MRTFB: variants seen among roughly 807,000 people sequenced by gnomAD.
MRTFB encodes myocardin-related transcription factor B.
In MRTFB, 29 loss-of-function variants were observed where a neutral mutation model predicts 104.2. That is an observed-to-expected ratio of 0.28 (90% CI 0.21 to 0.38). The LOEUF (loss-of-function observed/expected upper bound fraction) is 0.38. Ranked by LOEUF, MRTFB falls within the 10% of genes least tolerant of loss-of-function variation. The probability of loss-of-function intolerance (pLI) is 1.00; values close to 1 mark genes in which losing one functional copy is unlikely to be tolerated. For synonymous variants in MRTFB, 535 were observed against 519.5 expected (o/e 1.03, Z -0.41); for missense variants, 1,270 against 1,341.6 (o/e 0.95, Z 0.83).
the MRTFB span, among the ~76,000 whole-genome samples, chr16:13,999,170 A>ATAAGAG: frequency 6.6e-6 from 1 of 150,884 alleles, no homozygotes; most frequent in Non-Finnish European, 1.5e-5. Flanking sequence ...AGCCTGGGAG[A>ATAAGAG]TAAGAGTAAG....
Position 14,240,326 on chromosome 16 carries a change from A to G in MRTFB, c.921A>G (p.Gln307=), listed in dbSNP as rs114358431. Residue 307 remains glutamine, a synonymous_variant, in exon 10 of 17, where the codon CAA becomes CAG. Transcript: ENST00000571589. ...GGGTAAAGAAGTTAAAGTACCACCA[A>G]TACATTCCACCAGATCAGAAGGGTG... ...KPRVKKLKYH[Q]YIPPDQKGEK... 1.1e-4 allele frequency: 182 copies of G among 1,614,238 alleles called. No homozygotes were observed. The African/African-American group carries it at 2.3e-3, about 20-fold the overall frequency.
the MRTFB span, among the ~76,000 whole-genome samples, chr16:14,008,607 T>C: frequency 6.6e-6 from 1 of 152,236 alleles, no homozygotes; most frequent in Admixed American, 6.5e-5. Context: ...TAAGTTTTAG[T>C]ACTCAGGAAG....
At chr16:14,090,407 T>C (rs1319064980) in intron 2 of MRTFB, among the ~76,000 whole-genome samples, 1 of 152,248 alleles carries the variant, frequency 6.6e-6, no homozygotes, top group Non-Finnish European at 1.5e-5. Flanking sequence ...TTCATTGTTC[T>C]GCGTCGCTTA....
chr16:14,251,986 T>A lies in MRTFB; in HGVS notation c.2528T>A (p.Leu843His), dbSNP rs759355871. Residue 843 changes from leucine (L) to histidine (H), a missense_variant, in exon 14 of 17, where the codon CTT becomes CAT. This residue lies in a region of MRTFB where 1,144 missense variants were observed against 1,131.5 expected (regional missense o/e 1.01). Coordinates refer to ENST00000571589, the MANE Select transcript of MRTFB (RefSeq NM_001308142.2). ...GTTCTTCAATCCAGAAATGCTCCGC[T>A]TCCATCCCTGCAAAATGGACCTAAC... ...NSVLQSRNAP[L>H]PSLQNGPNTP... 6.8e-6 allele frequency: 11 copies of A among 1,614,182 alleles called. No individual in the cohort carries two copies. Among genetic ancestry groups the A allele is most frequent in the Non-Finnish European group, 7.6e-6 (9 of 1,180,018 alleles).
intron 8 of MRTFB, among the ~76,000 whole-genome samples, chr16:14,225,131 AGCCATGATCGC>A (rs2041941460): frequency 6.6e-6 from 1 of 152,194 alleles, no homozygotes; most frequent in Non-Finnish European, 1.5e-5. Context: ...GGTTGTGGTG[AGCCATGATCGC>A]GCCATTGCAC....
At chr16:14,210,487 A>C (rs575455232) in intron 4 of MRTFB, among the ~76,000 whole-genome samples, 179 bp downstream of exon 4, 63 of 152,362 alleles carry the variant, frequency 4.1e-4, no homozygotes, top group African/African-American at 1.3e-3. Context: ...CATTTTAAAA[A>C]CCAGATGCAG....
intron 2 of MRTFB, among the ~76,000 whole-genome samples, chr16:14,088,996 A>G (rs1157223907): frequency 6.6e-6 from 1 of 152,070 alleles, no homozygotes; most frequent in Admixed American, 6.6e-5. Context: ...TGGTCACTGT[A>G]GGGATTTATT....
At chr16:14,013,333 C>A in the MRTFB span, 2 of 152,166 alleles carry the variant, frequency 1.3e-5, no homozygotes, top group African/African-American at 4.8e-5. Flanking sequence ...AATTTATAAT[C>A]TTTTAGAATC....
intron 8 of MRTFB, among the ~76,000 whole-genome samples, chr16:14,219,690 C>T (rs551790313): frequency 1.3e-5 from 2 of 152,318 alleles, no homozygotes; most frequent in South Asian, 4.1e-4. Flanking sequence ...AGCATTTCTT[C>T]TCATTCATGA....
intron 3 of MRTFB, chr16:14,144,267 C>T (rs756576671): frequency 3.9e-5 from 6 of 152,146 alleles, no homozygotes; most frequent in Non-Finnish European, 8.8e-5. Context: ...TCCCTCTTTT[C>T]TAATAAATGA....
Position 14,140,753 on chromosome 16 carries a change from G to A in MRTFB, c.147G>A (p.Arg49=). The A allele has an allele frequency of 1.2e-6, 2 of 1,613,882 alleles. No homozygotes were observed. The highest frequency in any genetic ancestry group is 8.5e-7 in the Non-Finnish European group (1 of 1,179,948). The change falls in exon 3 of 17, where the codon AGG becomes AGA. Residue 49 remains arginine, a synonymous_variant. Coordinates refer to ENST00000571589, the MANE Select transcript of MRTFB (RefSeq NM_001308142.2). The stretch of plus-strand genomic sequence containing the variant: ...AAAACTTACCCCCTCTGAACGAAAG[G>A]AAAAATGGTGAGTTCAGCATGTGCA... The part of the protein sequence containing the change: ...SSQNLPPLNE[R]KNVLQLRLQQ...
chr16:14,048,904 T>C, the MRTFB span, among the ~76,000 whole-genome samples: 4 of 152,150 alleles, frequency 2.6e-5, no homozygotes, highest in South Asian at 2.1e-4. Context: ...TTGGTAAACA[T>C]TGGTTGGGTT....
the MRTFB span, among the ~76,000 whole-genome samples, chr16:13,998,610 C>A: frequency 6.6e-6 from 1 of 151,630 alleles, no homozygotes; most frequent in Admixed American, 6.6e-5. Context: ...CACACCATTG[C>A]ATTCCAGCCT....
intron 2 of MRTFB, among the ~76,000 whole-genome samples, chr16:14,085,222 G>C (rs1336965121): frequency 6.6e-6 from 1 of 152,118 alleles, no homozygotes; most frequent in Non-Finnish European, 1.5e-5. Context: ...TTGGGTGGCT[G>C]AGATGAGTGG....
chr16:14,081,797 GTCTCAGACTC>G lies in MRTFB; in HGVS notation c.-64+2445_-64+2454del, dbSNP rs1214076415. On this transcript the variant is annotated intron_variant, in intron 2 of 16. Coordinates refer to ENST00000571589, the MANE Select transcript of MRTFB (RefSeq NM_001308142.2). ...GTGTCTCGCCATGTTGCCCAGGCTG[GTCTCAGACTC>G]TGGGCTCAAGCAGTCCACCCGCCTC... Among the ~76,000 whole-genome samples, 9 of 145,404 alleles carry G rather than the reference GTCTCAGACTC, an allele frequency of 6.2e-5. No individual in the cohort carries two copies. The East Asian group carries it at 1.8e-3, about 30-fold the overall frequency.
At chr16:14,060,887 C>T in the MRTFB span, among the ~76,000 whole-genome samples, 5 of 152,126 alleles carry the variant, frequency 3.3e-5, no homozygotes, top group African/African-American at 1.2e-4. Context: ...TGGCTCACGC[C>T]TGTAATCCCA....
chr16:14,144,095 T>C (rs993099279), intron 3 of MRTFB: 2 of 152,234 alleles, frequency 1.3e-5, no homozygotes, highest in South Asian at 2.1e-4. Context: ...TTCTTTTTTC[T>C]AATTCTGATT....
At chr16:14,030,851 T>C in the MRTFB span, among the ~76,000 whole-genome samples, 1 of 152,124 alleles carries the variant, frequency 6.6e-6, no homozygotes, top group Non-Finnish European at 1.5e-5. Context: ...CATTGATCTA[T>C]CTGTAAAATG....
Position 14,261,382 on chromosome 16 carries a change from G to A in MRTFB, c.3238G>A (p.Ala1080Thr), listed in dbSNP as rs546700622. 84 of 1,613,824 alleles carry A rather than the reference G, an allele frequency of 5.2e-5. 2 individuals are homozygous for A. In the Middle Eastern group the frequency reaches 1.8e-3, roughly 35 times the overall value. ...AGGACTCACTCCTCTCAGCACCACC[G>A]CGCCGAGCATGTTCTCTGCTGACTT... Reference protein sequence around the residue: ...SSGLTPLSTTAPSMFSADFLD... With the variant: ...SSGLTPLSTTTPSMFSADFLD... Residue 1080 changes from alanine to threonine, a missense_variant, in exon 17 of 17, where the codon GCG becomes ACG. Transcript: ENST00000571589.
Sources: allele counts gnomAD v4.1 joint callset (sites outside exome capture counted in the v4.1 genomes callset), GRCh38; gene constraint gnomAD v4.1.1; regional missense constraint gnomAD v4.1.1; transcripts MANE v1.5; gene names NCBI Gene and HGNC (gene_info 2026-07-23, HGNC 2026-07-21).